The following TRIO variants were observed in gnomAD, a reference collection of about 807,000 sequenced individuals.
TRIO encodes the protein triple functional domain protein.
A neutral mutation model predicts 351.9 loss-of-function variants in TRIO; 58 were observed. That is an observed-to-expected ratio of 0.16 (90% confidence interval 0.13 to 0.21). The LOEUF (loss-of-function observed/expected upper bound fraction) is 0.21. Among genes scored for constraint, TRIO ranks in the 10% least tolerant of loss-of-function variants. The probability of loss-of-function intolerance (pLI) is 1.00; values close to 1 mark genes in which losing one functional copy is unlikely to be tolerated. For synonymous variants in TRIO, 1,758 were observed against 1,595.7 expected (o/e 1.10, Z -2.42); for missense variants, 3,201 against 4,027.8 (o/e 0.79, Z 5.56).
intron 49 of TRIO, among the ~76,000 whole-genome samples, chr5:14,493,416 C>T (rs1428972477): frequency 1.3e-5 from 2 of 152,106 alleles, no homozygotes; most frequent in Non-Finnish European, 2.9e-5. Flanking sequence ...TGGTGATTCT[C>T]AAATATTTCA....
chr5:14,427,282 C>G (rs542318216), intron 34 of TRIO, among the ~76,000 whole-genome samples: 1 of 152,312 alleles, frequency 6.6e-6, no homozygotes, highest in Admixed American at 6.5e-5. Flanking sequence ...CATCCTTCCC[C>G]CTGTGCAGAT....
At chr5:14,281,944 C>A (rs1233585169) in intron 3 of TRIO, among the ~76,000 whole-genome samples, 1 of 152,202 alleles carries the variant, frequency 6.6e-6, no homozygotes, top group Non-Finnish European at 1.5e-5. Context: ...AGCACTCAAC[C>A]TGTGTAGGTT....
rs578228955 is a variant in TRIO, at chr5:14,420,976, G to A, written c.5203+955G>A. On this transcript the variant is annotated intron_variant, in intron 34 of 56. Transcript: ENST00000344204. The stretch of plus-strand genomic sequence containing the variant: ...GCATTCATCACACTTGGCTTCGTCC[G>A]GAAAACTTCTGGTGGAGGTTGGGTT... Among the ~76,000 whole-genome samples the A allele has an allele frequency of 9.9e-5, 15 of 152,256 alleles. No homozygotes were observed. The East Asian group carries it at 2.3e-3, about 23-fold the overall frequency.
chr5:14,375,702 C>G (rs534390677), intron 19 of TRIO, among the ~76,000 whole-genome samples: 3 of 152,156 alleles, frequency 2.0e-5, no homozygotes, highest in Admixed American at 6.5e-5. Context: ...GAGGAAGCCC[C>G]GTATCCAAGA....
chr5:14,255,293 G>T (rs940963821), intron 1 of TRIO, among the ~76,000 whole-genome samples: 1 of 152,198 alleles, frequency 6.6e-6, no homozygotes, highest in African/African-American at 2.4e-5. Context: ...ATATCTCTAG[G>T]CGTAGAGATC....
chr5:14,482,425 C>T (rs1236736624), intron 45 of TRIO, 157 bp from the exon 46 acceptor site: 1 of 533,962 alleles, frequency 1.9e-6, no homozygotes, highest in Non-Finnish European at 3.0e-6. Context: ...TGTTTAGAGC[C>T]AAGAACAGTA....
chr5:14,389,253 T>C (rs1468804831), intron 24 of TRIO, 36 bp from the exon 25 acceptor site: 1 of 1,503,044 alleles, frequency 6.7e-7, no homozygotes, highest in East Asian at 2.4e-5. Flanking sequence ...AATATGGTGA[T>C]TATTTTTGTC....
chr5:14,417,949 G>A (rs920910990), intron 33 of TRIO, among the ~76,000 whole-genome samples: 6 of 152,184 alleles, frequency 3.9e-5, no homozygotes, highest in Non-Finnish European at 8.8e-5. Flanking sequence ...CTGGCACTGG[G>A]GGACTCAGGG....
intron 10 of TRIO, among the ~76,000 whole-genome samples, chr5:14,331,109 C>A (rs942373267): frequency 6.6e-6 from 1 of 152,232 alleles, no homozygotes; most frequent in Admixed American, 6.5e-5. Context: ...ATACGATGTT[C>A]TTGGAACAGA....
At chr5:14,304,165 C>T (rs1034740056) in intron 7 of TRIO, among the ~76,000 whole-genome samples, 6 of 152,058 alleles carry the variant, frequency 3.9e-5, no homozygotes, top group African/African-American at 1.4e-4. Context: ...TACTAGAATG[C>T]CCAAAACAGG....
In TRIO at chr5:14,504,481, C is replaced by A; in HGVS notation, c.8500C>A (p.Arg2834Ser). The change falls in exon 55 of 57, where the codon CGC (arginine) becomes AGC (serine). Residue 2834 changes from arginine to serine, a missense_variant. Physicochemically the swap from Arg to Ser is moderately radical, Grantham distance 110. This residue lies in a region of TRIO where 1,089 missense variants were observed against 954.9 expected (regional missense o/e 1.14). Transcript: ENST00000344204. ...TKFVNKKLMK[R>S]DQVTHELGIL... is the part of the protein sequence containing the mutation. ...GTTTGTGAACAAGAAGTTGATGAAG[C>A]GCGACCAGGTCACCCATGAGCTTGG... is the stretch of plus-strand genomic sequence containing the variant. 1 of 1,614,122 alleles carries A rather than the reference C, an allele frequency of 6.2e-7. No individual in the cohort carries two copies. Among genetic ancestry groups the A allele is most frequent in the South Asian group, 1.1e-5 (1 of 91,070 alleles).
rs16903387 is a variant in TRIO at position 14,312,508 on chromosome 5, A to C, written c.1501-4005A>C. The stretch of plus-strand genomic sequence containing the variant: ...TCAAGTTCCCCAGCTGTGTATTCCA[A>C]GAAAAACAAAGAGCAGACTGAAAAA... On this transcript the variant is annotated intron_variant, in intron 8 of 56. Transcript: ENST00000344204. Among the ~76,000 whole-genome samples the C allele has an allele frequency of 6.3e-3, 959 of 152,318 alleles. 12 individuals are homozygous for C. Among genetic ancestry groups the C allele is most frequent in the African/African-American group, 0.022 (928 of 41,578 alleles).
chr5:14,373,266 T>A (rs1745277604), intron 18 of TRIO, among the ~76,000 whole-genome samples: 1 of 152,152 alleles, frequency 6.6e-6, no homozygotes, highest in Admixed American at 6.5e-5. Flanking sequence ...ACTCGAAATT[T>A]CACACGAATC....
intron 54 of TRIO, 114 bp downstream of exon 54, chr5:14,502,771 T>C: frequency 9.9e-7 from 1 of 1,013,588 alleles, no homozygotes; most frequent in South Asian, 1.5e-5. Context: ...GGAAGCTGTG[T>C]GTCTTGCATT....
At chr5:14,162,767 G>A (rs1474638426) in intron 1 of TRIO, among the ~76,000 whole-genome samples, 3 of 152,072 alleles carry the variant, frequency 2.0e-5, no homozygotes, top group Middle Eastern at 3.2e-3. Context: ...CACTTCCAAG[G>A]TGTTTTTATA....
intron 1 of TRIO, among the ~76,000 whole-genome samples, chr5:14,236,118 G>A (rs550127682): frequency 6.6e-6 from 1 of 152,276 alleles, no homozygotes; most frequent in East Asian, 1.9e-4. Flanking sequence ...CAGAGTGAAA[G>A]TCCAAACGAC....
Position 14,347,531 on chromosome 5 carries a change from A to G in TRIO, c.2047-10647A>G, listed in dbSNP as rs560454524. On this transcript the variant is annotated intron_variant, in intron 11 of 56. Transcript: ENST00000344204. Reference sequence around the variant, plus strand: ...ATGTCTGTATGTGACATCTGGAGAGACTGCTCATCCCAATTCAGGCATCCG... The same window carrying G: ...ATGTCTGTATGTGACATCTGGAGAGGCTGCTCATCCCAATTCAGGCATCCG... Among the ~76,000 whole-genome samples, 53 of 152,352 alleles carry G rather than the reference A, an allele frequency of 3.5e-4. 1 individual carries two copies. Among genetic ancestry groups the G allele is most frequent in the African/African-American group, 1.2e-3 (48 of 41,582 alleles).
In TRIO at chr5:14,431,271, A is replaced by C. The variant is rs532033587; in HGVS notation, c.5203+11250A>C. ...TGCCCTGCTTCATCGTGGTCTGACC[A>C]GCAGTGGCTGGAACACCTCAGACTT... On this transcript the variant is annotated intron_variant, in intron 34 of 56. Coordinates refer to ENST00000344204, the MANE Select transcript of TRIO (RefSeq NM_007118.4). Among the ~76,000 whole-genome samples the C allele has an allele frequency of 7.2e-5, 11 of 152,342 alleles. No homozygotes were observed. In the South Asian group the frequency reaches 2.3e-3, roughly 32 times the overall value.
intron 33 of TRIO, among the ~76,000 whole-genome samples, chr5:14,415,155 G>A (rs929735197): frequency 2.0e-5 from 3 of 152,070 alleles, no homozygotes; most frequent in Non-Finnish European, 4.4e-5. Flanking sequence ...TGTTCTTTAG[G>A]GGAAAATGGC....
Sources: allele counts gnomAD v4.1 joint callset (sites outside exome capture counted in the v4.1 genomes callset), GRCh38; gene constraint gnomAD v4.1.1; regional missense constraint gnomAD v4.1.1; transcripts MANE v1.5; gene names NCBI Gene and HGNC (gene_info 2026-07-23, HGNC 2026-07-21).